The following ERN1 variants were observed in gnomAD, a reference collection of about 807,000 sequenced individuals.
The protein encoded by ERN1 is serine/threonine-protein kinase/endoribonuclease IRE1.
ERN1 carries 39 observed loss-of-function variants against 113.1 expected under a neutral mutation model. That is an observed-to-expected ratio of 0.34 (90% CI 0.27 to 0.45). The LOEUF (loss-of-function observed/expected upper bound fraction) is 0.45. Among genes scored for constraint, ERN1 ranks in the 20% least tolerant of loss-of-function variants. The pLI is 1.00. For missense variants in ERN1, 976 were observed against 1,274.8 expected (o/e 0.77, Z 3.57); for synonymous variants, 507 against 515.9 (o/e 0.98, Z 0.23).
At chr17:64,067,939 A>G (rs150705585) in intron 7 of ERN1, 3 of 431,038 alleles carry the variant, frequency 7.0e-6, no homozygotes, top group African/African-American at 5.9e-5. Context: ...GAAAGACTCA[A>G]CGAGGGATGT....
chr17:64,093,897 C>T (rs1191720651), intron 2 of ERN1, among the ~76,000 whole-genome samples: 1 of 152,230 alleles, frequency 6.6e-6, no homozygotes, highest in Non-Finnish European at 1.5e-5. Context: ...AGGGAGAGCA[C>T]AGCTCCCCAG....
chr17:64,118,486 A>C (rs1914869277), intron 1 of ERN1, among the ~76,000 whole-genome samples: 1 of 152,224 alleles, frequency 6.6e-6, no homozygotes, highest in South Asian at 2.1e-4. Context: ...TTAAATTAGG[A>C]AACAGCCCTG....
chr17:64,083,307 C>G (rs1913826065), intron 2 of ERN1, among the ~76,000 whole-genome samples: 1 of 151,684 alleles, frequency 6.6e-6, no homozygotes, highest in Non-Finnish European at 1.5e-5. Flanking sequence ...ATAAAAAGAG[C>G]ATTATCTGAA....
At chr17:64,123,661 C>A (rs1245902232) in intron 1 of ERN1, among the ~76,000 whole-genome samples, 1 of 152,032 alleles carries the variant, frequency 6.6e-6, no homozygotes, top group African/African-American at 2.4e-5. Flanking sequence ...AATTTCAATT[C>A]TAGGAATCTA....
chr17:64,110,951 C>T (rs1183095080), intron 1 of ERN1, among the ~76,000 whole-genome samples: 2 of 152,218 alleles, frequency 1.3e-5, no homozygotes, highest in Non-Finnish European at 2.9e-5. Flanking sequence ...GAGCGAACAA[C>T]GTTGCTTTCT....
intron 18 of ERN1, 124 bp from the exon 19 acceptor site, chr17:64,048,109 A>G (rs188342069): frequency 4.3e-6 from 4 of 936,128 alleles, no homozygotes; most frequent in Non-Finnish European, 6.1e-6. Context: ...TATTCCAATA[A>G]AATAATTAGG....
chr17:64,092,775 A>C (rs1164445224), intron 2 of ERN1, among the ~76,000 whole-genome samples: 1 of 152,250 alleles, frequency 6.6e-6, no homozygotes, highest in Non-Finnish European at 1.5e-5. Context: ...GCCCTACACC[A>C]GCCCTGGAAA....
chr17:64,099,356 G>A (rs916955747), intron 1 of ERN1, among the ~76,000 whole-genome samples: 1 of 151,748 alleles, frequency 6.6e-6, no homozygotes, highest in Non-Finnish European at 1.5e-5. Flanking sequence ...GGGAGCAGGT[G>A]TGTGCGCACA....
intron 10 of ERN1, among the ~76,000 whole-genome samples, chr17:64,062,568 T>A (rs975414220): frequency 6.6e-6 from 1 of 152,214 alleles, no homozygotes; most frequent in African/African-American, 2.4e-5. Flanking sequence ...AACCTTTCCA[T>A]TTTAAAGGGA....
chr17:64,057,092 A>G (rs1912895099), intron 12 of ERN1, among the ~76,000 whole-genome samples: 1 of 152,204 alleles, frequency 6.6e-6, no homozygotes. Flanking sequence ...TTTTCACACA[A>G]GCTGATCTCA....
chr17:64,130,100 G>T lies in ERN1; in HGVS notation c.-71C>A. On this transcript the variant is annotated 5_prime_UTR_variant, in exon 1 of 22. Coordinates refer to ENST00000433197, the MANE Select transcript of ERN1 (RefSeq NM_001433.5). The surrounding 1 kb of genome is among the most constrained non-coding windows in gnomAD (Gnocchi z 4.0). Reference sequence around the variant, plus strand: ...GGGGCGGGGGCGCCGCGACGACAGCGAGGCGGTGACCGAGCCTCAGCGGAC... The same window carrying T: ...GGGGCGGGGGCGCCGCGACGACAGCTAGGCGGTGACCGAGCCTCAGCGGAC... 1 of 1,264,556 alleles carries T rather than the reference G, an allele frequency of 7.9e-7. No individual in the cohort carries two copies. The highest frequency in any genetic ancestry group is 1.0e-6 in the Non-Finnish European group (1 of 997,098). 78.3% of individuals were successfully genotyped at this position (1,264,556 alleles called of 1,614,324 possible).
At chr17:64,056,234 G>A (rs1949507107) in intron 12 of ERN1, among the ~76,000 whole-genome samples, 1 of 152,234 alleles carries the variant, frequency 6.6e-6, no homozygotes, top group South Asian at 2.1e-4. Context: ...GGCTGTGCCA[G>A]TTTCATTCAG....
At chr17:64,093,201 G>C (rs971107479) in intron 2 of ERN1, among the ~76,000 whole-genome samples, 1 of 152,022 alleles carries the variant, frequency 6.6e-6, no homozygotes, top group East Asian at 1.9e-4. Context: ...GTAAACAGCC[G>C]AATGGAGTTG....
At chr17:64,046,092 T>TC (rs1912505231) in intron 19 of ERN1, among the ~76,000 whole-genome samples, 1 of 152,152 alleles carries the variant, frequency 6.6e-6, no homozygotes, top group Non-Finnish European at 1.5e-5. Context: ...CCTCTTGAAG[T>TC]CCCACCAGTA....
intron 2 of ERN1, among the ~76,000 whole-genome samples, chr17:64,096,022 C>T (rs1914219576): frequency 6.6e-6 from 1 of 152,196 alleles, no homozygotes; most frequent in African/African-American, 2.4e-5. Flanking sequence ...CATATTTTCA[C>T]CATGGGTTTA....
At chr17:64,112,877 G>T (rs1265329950) in intron 1 of ERN1, among the ~76,000 whole-genome samples, 2 of 152,230 alleles carry the variant, frequency 1.3e-5, no homozygotes, top group East Asian at 3.8e-4. Context: ...GAGGCCTGGT[G>T]TGAGGCTCAC....
rs1445831533 is a variant in ERN1, at chr17:64,130,101, A to T, written c.-72T>A. ...GGGCGGGGGCGCCGCGACGACAGCG[A>T]GGCGGTGACCGAGCCTCAGCGGACG... is the stretch of plus-strand genomic sequence containing the variant. On this transcript the variant is annotated 5_prime_UTR_variant, in exon 1 of 22. Coordinates refer to ENST00000433197, the MANE Select transcript of ERN1 (RefSeq NM_001433.5). The surrounding 1 kb of genome is among the most constrained non-coding windows in gnomAD (Gnocchi z 4.0). 1 of 1,258,926 alleles carries T rather than the reference A, an allele frequency of 7.9e-7. No homozygotes were observed. The highest frequency in any genetic ancestry group is 1.0e-6 in the Non-Finnish European group (1 of 992,872). The allele number at this position is 1,258,926 out of a possible 1,614,324, so 78.0% of individuals were successfully genotyped here.
Position 64,043,960 on chromosome 17 carries a change from G to C in ERN1, c.*28C>G. 2 of 1,495,454 alleles carry C rather than the reference G, an allele frequency of 1.3e-6. No homozygotes were observed. The highest frequency in any genetic ancestry group is 1.8e-6 in the Non-Finnish European group (2 of 1,083,980). 92.6% of individuals were successfully genotyped at this position (1,495,454 alleles called of 1,614,324 possible). A position where few individuals can be genotyped will look rare whatever the true frequency, so the allele number is the denominator to read the frequency against. ...GACCAGGCCCTCAGTCACAGCTGGG[G>C]CCACCAGAACAGAGGGGCCGCCCTC... On this transcript the variant is annotated 3_prime_UTR_variant, in exon 22 of 22. Transcript: ENST00000433197.
At position 64,060,429 on chromosome 17, in the gene ERN1, C is replaced by G. The variant is rs2143357595; in HGVS notation, c.1206+40G>C. On this transcript the variant is annotated intron_variant, in intron 11 of 21. Coordinates refer to ENST00000433197, the MANE Select transcript of ERN1 (RefSeq NM_001433.5). ...GTCTAATGCCTCACCCTCCCAACAC[C>G]TAACACCAACAACCCCCGACTGGTC... 4 of 1,350,202 alleles carry G rather than the reference C, an allele frequency of 3.0e-6. No individual in the cohort carries two copies. The East Asian group carries it at 9.1e-5, about 31-fold the overall frequency. 83.6% of individuals were successfully genotyped at this position (1,350,202 alleles called of 1,614,324 possible).
Sources: gnomAD v4.1 joint callset for allele counts (sites outside exome capture counted in the v4.1 genomes callset) on GRCh38, gnomAD v4.1.1 for gene constraint, Gnocchi (gnomAD v3.1) non-coding constraint, MANE v1.5 for transcripts, NCBI Gene and HGNC (gene_info 2026-07-23, HGNC 2026-07-21) for gene names.